NCKAP5: variants seen among roughly 807,000 people sequenced by gnomAD.
NCKAP5 encodes the protein NCK associated protein 5.
A neutral mutation model predicts 167.0 loss-of-function variants in NCKAP5; 92 were observed. That is an observed-to-expected ratio of 0.55 (90% CI 0.47 to 0.66). NCKAP5 has a LOEUF of 0.66. Among genes scored for constraint, NCKAP5 ranks in the 30% least tolerant of loss-of-function variants. The pLI, the probability that NCKAP5 is intolerant of heterozygous loss-of-function variation, is 0.00. For missense variants in NCKAP5, 2,378 were observed against 2,315.0 expected, an observed-to-expected ratio of 1.03 and a Z score of -0.56; for synonymous variants, 891 against 877.4, an observed-to-expected ratio of 1.02 and a Z score of -0.27.
At chr2:133,386,241 T>A (rs918420818) in intron 3 of NCKAP5, among the ~76,000 whole-genome samples, 2 of 152,250 alleles carry the variant, frequency 1.3e-5, no homozygotes, top group African/African-American at 4.8e-5. Context: ...GATTCTGGTA[T>A]GTTGTGTCTT....
chr2:132,719,874 G>A (rs2105380158), intron 19 of NCKAP5, among the ~76,000 whole-genome samples: 2 of 152,356 alleles, frequency 1.3e-5, no homozygotes, highest in African/African-American at 2.4e-5. Flanking sequence ...GGGAGGCAGA[G>A]CAGATTTCTA....
In NCKAP5 at chr2:133,077,871, C is replaced by A. The variant is rs534215089; in HGVS notation, c.341+52107G>T. ...AAGACTCAGAAGCAGAACAGGAACC[C>A]AGATCTCCTGACTTTCAGGGAAGGT... On this transcript the variant is annotated intron_variant, in intron 6 of 19. Transcript: ENST00000409261. Among the ~76,000 whole-genome samples, 12 of 152,274 alleles carry A rather than the reference C, an allele frequency of 7.9e-5. No individual in the cohort carries two copies. In the East Asian group the frequency reaches 2.3e-3, roughly 29 times the overall value.
intron 3 of NCKAP5, among the ~76,000 whole-genome samples, chr2:133,357,453 C>T (rs1684818802): frequency 6.6e-6 from 1 of 151,976 alleles, no homozygotes; most frequent in Admixed American, 6.6e-5. Context: ...AAATCAGTCC[C>T]AAAAATTAGA....
At chr2:133,406,315 T>C (rs1266421269) in intron 3 of NCKAP5, among the ~76,000 whole-genome samples, 1 of 151,922 alleles carries the variant, frequency 6.6e-6, no homozygotes, top group Non-Finnish European at 1.5e-5. Flanking sequence ...GGGGAGTGCT[T>C]TTGGAGAAAG....
intron 16 of NCKAP5, among the ~76,000 whole-genome samples, chr2:132,738,249 G>A (rs1231313438): frequency 6.6e-6 from 1 of 152,160 alleles, no homozygotes; most frequent in East Asian, 1.9e-4. Context: ...GTACTTTAAA[G>A]TCCTTGGGAC....
intron 4 of NCKAP5, among the ~76,000 whole-genome samples, chr2:133,241,999 T>C (rs1356998255): frequency 6.6e-6 from 1 of 150,698 alleles, no homozygotes; most frequent in Non-Finnish European, 1.5e-5. Context: ...GTGCCTGTAA[T>C]CCCAGCTACT....
intron 3 of NCKAP5, among the ~76,000 whole-genome samples, chr2:133,386,874 C>CT (rs754247047): frequency 5.9e-4 from 89 of 151,882 alleles, no homozygotes; most frequent in African/African-American, 1.2e-3. Flanking sequence ...CAACCCCTGC[C>CT]TTTTTTTTGT....
chr2:132,984,443 T>C (rs1162071217), intron 7 of NCKAP5, among the ~76,000 whole-genome samples: 1 of 152,148 alleles, frequency 6.6e-6, no homozygotes, highest in South Asian at 2.1e-4. Flanking sequence ...TTCTGCCTCC[T>C]CAGATATGCC....
intron 4 of NCKAP5, among the ~76,000 whole-genome samples, chr2:133,297,228 G>A (rs1287653037): frequency 6.6e-6 from 1 of 150,778 alleles, no homozygotes; most frequent in East Asian, 1.9e-4. Context: ...CAAGCAGGGA[G>A]ATACAGAGCA....
chr2:133,235,114 T>C (rs1324675704), intron 4 of NCKAP5, among the ~76,000 whole-genome samples: 1 of 151,776 alleles, frequency 6.6e-6, no homozygotes, highest in Non-Finnish European at 1.5e-5. Context: ...CTGGTGATAA[T>C]ACAGTCAGTC....
the NCKAP5 span, among the ~76,000 whole-genome samples, chr2:133,626,319 TCTA>T: frequency 6.6e-6 from 1 of 152,166 alleles, no homozygotes; most frequent in South Asian, 2.1e-4. Context: ...TGATGAAGCT[TCTA>T]CATCTAAATA....
rs1358434468 is a variant in NCKAP5 at position 133,470,300 on chromosome 2, G to T, written c.69+47158C>A. 4.6e-5 allele frequency among the ~76,000 whole-genome samples: 7 copies of T among 152,090 alleles called. No individual in the cohort carries two copies. In the East Asian group the frequency reaches 1.2e-3, roughly 25 times the overall value. On this transcript the variant is annotated intron_variant, in intron 3 of 19. Coordinates refer to ENST00000409261, the MANE Select transcript of NCKAP5 (RefSeq NM_207363.3). ...AGGTGTCAGTGTGCCCCTGCTGGGG[G>T]GTGCCTCCCAGTTAGGCTGCTCGGG...
At chr2:132,847,971 C>T (rs937195297) in intron 11 of NCKAP5, among the ~76,000 whole-genome samples, 2 of 152,138 alleles carry the variant, frequency 1.3e-5, no homozygotes, top group African/African-American at 4.8e-5. Flanking sequence ...AGAAACAGGT[C>T]ACAACTATAT....
chr2:133,257,602 T>C (rs1165319552), intron 4 of NCKAP5, among the ~76,000 whole-genome samples: 1 of 152,150 alleles, frequency 6.6e-6, no homozygotes, highest in Admixed American at 6.6e-5. Flanking sequence ...TTCTCAAAAA[T>C]AGAAAATAAT....
chr2:132,867,013 T>A (rs1690408205), intron 10 of NCKAP5, among the ~76,000 whole-genome samples: 1 of 152,170 alleles, frequency 6.6e-6, no homozygotes. Flanking sequence ...CCTCATAGTG[T>A]CCCTGAGGTA....
chr2:133,124,335 C>T (rs142948159), intron 6 of NCKAP5, among the ~76,000 whole-genome samples: 1 of 152,298 alleles, frequency 6.6e-6, no homozygotes, highest in East Asian at 1.9e-4. Flanking sequence ...CTGAAGAGGC[C>T]TGAAATCAAG....
intron 3 of NCKAP5, among the ~76,000 whole-genome samples, chr2:133,509,878 G>A (rs1383106583): frequency 5.3e-5 from 8 of 152,188 alleles, no homozygotes; most frequent in African/African-American, 1.7e-4. Context: ...ATGTGAAAAG[G>A]CCAGAAGTAG....
At chr2:133,043,409 A>G (rs1183997052) in intron 6 of NCKAP5, among the ~76,000 whole-genome samples, 1 of 152,162 alleles carries the variant, frequency 6.6e-6, no homozygotes, top group Admixed American at 6.6e-5. Flanking sequence ...GCCTGAACGT[A>G]TTCTTTAATT....
intron 5 of NCKAP5, among the ~76,000 whole-genome samples, chr2:133,183,354 C>T (rs2084812476): frequency 6.6e-6 from 1 of 152,040 alleles, no homozygotes. Context: ...ATGCAAAACT[C>T]ATTACCAGCA....
Sources: gnomAD v4.1 joint callset for allele counts (sites outside exome capture counted in the v4.1 genomes callset) on GRCh38, gnomAD v4.1.1 for gene constraint, MANE v1.5 for transcripts, NCBI Gene and HGNC (gene_info 2026-07-23, HGNC 2026-07-21) for gene names.